The following TRPM3 variants were observed in gnomAD, a reference collection of about 807,000 sequenced individuals.
TRPM3 encodes transient receptor potential cation channel subfamily M member 3, also known as long transient receptor potential channel 3.
Under a neutral mutation model 181.2 loss-of-function variants are expected in TRPM3, and 77 were observed. That is an observed-to-expected ratio of 0.42 (90% CI 0.35 to 0.51). The LOEUF (loss-of-function observed/expected upper bound fraction) is 0.51, where lower values mean the gene tolerates loss of function less well. Among genes scored for constraint, TRPM3 ranks in the 20% least tolerant of loss-of-function variants. TRPM3 has a pLI of 0.01. For synonymous variants in TRPM3, 745 were observed against 796.4 expected (o/e 0.94, Z 1.09); for missense variants, 1,759 against 2,196.7 (o/e 0.80, Z 3.98).
In TRPM3 at chr9:70,591,115, C is replaced by T. The variant is rs956023075; in HGVS notation, c.3139G>A (p.Glu1047Lys). 2.5e-6 allele frequency: 4 copies of T among 1,614,122 alleles called. No homozygotes were observed. The highest frequency in any genetic ancestry group is 3.4e-6 in the Non-Finnish European group (4 of 1,180,024). The change falls in exon 22 of 26, where the codon GAG (glutamate) becomes AAG (lysine). Residue 1047 changes from glutamate (E) to lysine (K), a missense_variant. Physicochemically the swap from Glu to Lys is moderately conservative, Grantham distance 56. Around this residue, in one of 8 missense-constraint regions of TRPM3, gnomAD observed 94 missense variants for 221.3 expected, o/e 0.42. Coordinates refer to ENST00000677713, the MANE Select transcript of TRPM3 (RefSeq NM_001366145.2). ...ARQAILFPNE[E>K]PSWKLAKNIF... ...TTCTTGGCCAGTTTCCATGATGGCT[C>T]CTCATTGGGAAAAAGGATGGCTTGC... is the stretch of plus-strand genomic sequence containing the variant.
intron 1 of TRPM3, among the ~76,000 whole-genome samples, chr9:71,144,223 T>G (rs1043046548): frequency 2.0e-5 from 3 of 152,168 alleles, no homozygotes; most frequent in African/African-American, 7.2e-5. Context: ...TACTCTGGTT[T>G]GACCTTGTGC....
chr9:71,250,858 T>G (rs1240550586), intron 1 of TRPM3, among the ~76,000 whole-genome samples: 1 of 152,088 alleles, frequency 6.6e-6, no homozygotes, highest in Non-Finnish European at 1.5e-5. Flanking sequence ...TAAGATGACC[T>G]GGGACCAGAG....
intron 18 of TRPM3, 134 bp downstream of exon 18, chr9:70,615,774 A>C (rs2062693444): frequency 1.2e-6 from 1 of 867,070 alleles, no homozygotes; most frequent in Admixed American, 2.7e-5. Flanking sequence ...AAATGAAAGC[A>C]CTCCATGATT....
At chr9:71,422,479 C>A (rs1287418785) in intron 1 of TRPM3, among the ~76,000 whole-genome samples, 1 of 151,976 alleles carries the variant, frequency 6.6e-6, no homozygotes, top group Non-Finnish European at 1.5e-5. Flanking sequence ...AGAGTGATGC[C>A]CCCTTGACCA....
intron 21 of TRPM3, among the ~76,000 whole-genome samples, chr9:70,594,163 C>A (rs1213367018): frequency 1.3e-5 from 2 of 150,134 alleles, no homozygotes; most frequent in African/African-American, 4.9e-5. Context: ...AGCTAGGTGG[C>A]CTCGGGCAAG....
At chr9:71,390,386 T>C (rs1477376581) in intron 1 of TRPM3, among the ~76,000 whole-genome samples, 1 of 152,066 alleles carries the variant, frequency 6.6e-6, no homozygotes, top group African/African-American at 2.4e-5. Context: ...TTGGCTCTTA[T>C]ACTCTGAATA....
chr9:71,240,656 AAGAT>A (rs981734941), intron 1 of TRPM3, among the ~76,000 whole-genome samples: 34 of 150,934 alleles, frequency 2.3e-4, no homozygotes, highest in Admixed American at 5.9e-4. Context: ...TGTTGGAACA[AAGAT>A]AGCAATTTGT....
chr9:70,765,018 A>G (rs1355398990), intron 7 of TRPM3, among the ~76,000 whole-genome samples: 1 of 152,196 alleles, frequency 6.6e-6, no homozygotes, highest in Admixed American at 6.6e-5. Flanking sequence ...TACACAATGG[A>G]CTTCACAGAT....
rs148623963 is a variant in TRPM3 at position 71,446,345 on chromosome 9, C to T, written c.183+308G>A. Among the ~76,000 whole-genome samples, 370 of 152,324 alleles carry T rather than the reference C, an allele frequency of 2.4e-3. 5 individuals are homozygous for T. The East Asian group carries it at 0.03, about 12-fold the overall frequency. On this transcript the variant is annotated intron_variant, in intron 1 of 24. Transcript: ENST00000357533. ...ACAGGAGTCACAATACACTCGACAA[C>T]GTCTCACACGCTCTGTTAACTGCAA...
At chr9:71,318,904 C>T (rs1588464782) in intron 1 of TRPM3, among the ~76,000 whole-genome samples, 1 of 152,112 alleles carries the variant, frequency 6.6e-6, no homozygotes, top group Admixed American at 6.5e-5. Context: ...GGTATCTATC[C>T]CAGATCCCTC....
intron 1 of TRPM3, among the ~76,000 whole-genome samples, chr9:70,881,837 C>T (rs2095999741): frequency 1.3e-5 from 2 of 152,088 alleles, no homozygotes; most frequent in Admixed American, 1.3e-4. Flanking sequence ...CTGTTGTTTC[C>T]TGAAATTATC....
At chr9:70,898,642 C>G (rs113614399) in intron 1 of TRPM3, among the ~76,000 whole-genome samples, 75,348 of 147,636 alleles carry the variant, frequency 0.51, 19,608 homozygotes, top group Middle Eastern at 0.54. Context: ...CAGTTACTCC[C>G]GAGGCTGAGG....
intron 1 of TRPM3, among the ~76,000 whole-genome samples, chr9:70,955,861 C>A (rs1260091372): frequency 6.6e-6 from 1 of 152,184 alleles, no homozygotes; most frequent in Non-Finnish European, 1.5e-5. Context: ...TCAGTGGTAA[C>A]CACGAGCTCA....
At chr9:70,846,304 T>C in intron 4 of TRPM3, 74 bp downstream of exon 4, 1 of 1,411,894 alleles carries the variant, frequency 7.1e-7, no homozygotes, top group Non-Finnish European at 1.0e-6. Flanking sequence ...AAATAATTAA[T>C]CTTAGCAGAA....
intron 1 of TRPM3, among the ~76,000 whole-genome samples, chr9:71,133,845 A>T (rs1352436446): frequency 1.3e-5 from 2 of 152,198 alleles, no homozygotes; most frequent in Non-Finnish European, 2.9e-5. Flanking sequence ...ATCTAAGCAC[A>T]GACAAACACT....
intron 1 of TRPM3, among the ~76,000 whole-genome samples, chr9:71,312,756 A>G (rs1289572377): frequency 1.3e-5 from 2 of 152,190 alleles, no homozygotes; most frequent in African/African-American, 4.8e-5. Flanking sequence ...AAACACATGG[A>G]GAAAACTTAA....
intron 16 of TRPM3, among the ~76,000 whole-genome samples, 164 bp from the exon 17 acceptor site, chr9:70,619,259 A>G (rs1345353552): frequency 6.6e-6 from 1 of 152,120 alleles, no homozygotes; most frequent in East Asian, 1.9e-4. Flanking sequence ...TCCACTAAGC[A>G]TCTACTATGT....
intron 25 of TRPM3, among the ~76,000 whole-genome samples, chr9:70,544,502 A>G (rs73649138): frequency 0.011 from 1,654 of 152,248 alleles, 36 homozygotes; most frequent in African/African-American, 0.037. Context: ...TGGCTAATTA[A>G]CCAAAGGAGA....
intron 1 of TRPM3, among the ~76,000 whole-genome samples, chr9:70,927,453 C>T (rs2096731778): frequency 6.6e-6 from 1 of 152,122 alleles, no homozygotes; most frequent in East Asian, 1.9e-4. Flanking sequence ...AATTTCAATG[C>T]ACTGGCAAAG....
Sources: gnomAD v4.1 joint callset for allele counts (sites outside exome capture counted in the v4.1 genomes callset) on GRCh38, gnomAD v4.1.1 for gene constraint, gnomAD v4.1.1 regional missense constraint, MANE v1.5 for transcripts, NCBI Gene and HGNC (gene_info 2026-07-23, HGNC 2026-07-21) for gene names.